The following SLC25A48 variants were observed in gnomAD, a reference collection of about 807,000 sequenced individuals.
SLC25A48 encodes the protein CTC-321K16.1.
A neutral mutation model predicts 32.2 loss-of-function variants in SLC25A48; 29 were observed. That is an observed-to-expected ratio of 0.90 (90% confidence interval 0.67 to 1.23). The LOEUF (loss-of-function observed/expected upper bound fraction) is 1.23, where lower values mean the gene tolerates loss of function less well. SLC25A48 is among the 50% of genes most tolerant of loss of function. The probability of loss-of-function intolerance (pLI) is 0.00; values close to 1 mark genes in which losing one functional copy is unlikely to be tolerated. For missense variants in SLC25A48, 399 were observed against 422.7 expected (o/e 0.94, Z 0.49); for synonymous variants, 164 against 172.3 (o/e 0.95, Z 0.38).
At chr5:135,755,194 A>G (rs1023147871) in intron 3 of SLC25A48, among the ~76,000 whole-genome samples, 3 of 152,096 alleles carry the variant, frequency 2.0e-5, no homozygotes, top group Non-Finnish European at 4.4e-5. Flanking sequence ...TCGCTCTGAT[A>G]TTGATAATAT....
chr5:135,677,915 A>G (rs1753808038), intron 3 of SLC25A48, among the ~76,000 whole-genome samples: 2 of 152,116 alleles, frequency 1.3e-5, no homozygotes, highest in Admixed American at 6.5e-5. Flanking sequence ...TTTATTAGTG[A>G]CTAGACCCTT....
chr5:135,666,377 A>G (rs551853257), intron 3 of SLC25A48, among the ~76,000 whole-genome samples: 2 of 152,168 alleles, frequency 1.3e-5, no homozygotes, highest in South Asian at 2.1e-4. Flanking sequence ...TCAGTAAAAT[A>G]CCCCGGGGAT....
intron 1 of SLC25A48, among the ~76,000 whole-genome samples, chr5:135,584,462 C>T (rs1286670076): frequency 6.6e-6 from 1 of 152,174 alleles, no homozygotes; most frequent in African/African-American, 2.4e-5. Flanking sequence ...TGGTCCCACT[C>T]AATGAGGAAA....
chr5:135,739,258 C>T (rs531880908), intron 3 of SLC25A48, among the ~76,000 whole-genome samples: 1 of 152,266 alleles, frequency 6.6e-6, no homozygotes, highest in African/African-American at 2.4e-5. Context: ...GCTGGGACTA[C>T]AAGTGCTCAC....
At chr5:135,674,720 C>T (rs1753728708) in intron 3 of SLC25A48, among the ~76,000 whole-genome samples, 1 of 151,958 alleles carries the variant, frequency 6.6e-6, no homozygotes, top group African/African-American at 2.4e-5. Context: ...ATGTATACCA[C>T]ATTTTCTTTA....
At chr5:135,707,718 CTGTT>C (rs1435736268) in intron 3 of SLC25A48, among the ~76,000 whole-genome samples, 2 of 152,216 alleles carry the variant, frequency 1.3e-5, no homozygotes, top group African/African-American at 4.8e-5. Context: ...TCCTACCCTC[CTGTT>C]TATTTCCTTA....
intron 3 of SLC25A48, among the ~76,000 whole-genome samples, chr5:135,851,604 G>A (rs72791379): frequency 2.4e-4 from 2 of 8,404 alleles, no homozygotes; most frequent in Admixed American, 6.9e-4. Context: ...GTATATATGC[G>A]TGTGTGTGCG....
intron 3 of SLC25A48, among the ~76,000 whole-genome samples, chr5:135,721,635 C>T (rs8180435): frequency 0.4 from 61,278 of 151,996 alleles, 14,200 homozygotes; most frequent in Non-Finnish European, 0.52. Flanking sequence ...GTGAGCACTG[C>T]ATAATTGAAA....
chr5:135,607,222 A>C (rs770671423), intron 1 of SLC25A48, among the ~76,000 whole-genome samples: 6 of 152,156 alleles, frequency 3.9e-5, no homozygotes, highest in Non-Finnish European at 5.9e-5. Context: ...ACATTCTTAC[A>C]CTGCTGCCCT....
At chr5:135,594,389 C>G (rs1038511715) in intron 1 of SLC25A48, among the ~76,000 whole-genome samples, 1 of 152,166 alleles carries the variant, frequency 6.6e-6, no homozygotes, top group Non-Finnish European at 1.5e-5. Flanking sequence ...TAAGACACTG[C>G]GTGATGTGGT....
At chr5:135,599,083 T>A (rs373713847) in intron 1 of SLC25A48, among the ~76,000 whole-genome samples, 43 of 152,180 alleles carry the variant, frequency 2.8e-4, no homozygotes, top group African/African-American at 1.0e-3. Flanking sequence ...TCTGGGGTCG[T>A]CTTGGCCAAG....
intron 1 of SLC25A48, among the ~76,000 whole-genome samples, chr5:135,605,183 A>G (rs1384993918): frequency 2.6e-5 from 4 of 152,264 alleles, no homozygotes; most frequent in African/African-American, 9.6e-5. Flanking sequence ...TTATTTATTT[A>G]TAACATTCTC....
At chr5:135,879,066 T>A (rs886438433) in intron 6 of SLC25A48, among the ~76,000 whole-genome samples, 1 of 152,086 alleles carries the variant, frequency 6.6e-6, no homozygotes, top group Admixed American at 6.5e-5. Flanking sequence ...ATAGGCAGTG[T>A]TTGGGAAGCA....
At chr5:135,682,373 C>T (rs1469647855) in intron 3 of SLC25A48, among the ~76,000 whole-genome samples, 10 of 152,106 alleles carry the variant, frequency 6.6e-5, no homozygotes, top group African/African-American at 2.2e-4. Context: ...TGTCACTCTT[C>T]GTCAAGGCAA....
chr5:135,595,195 G>C (rs1015588190), intron 1 of SLC25A48, among the ~76,000 whole-genome samples: 7 of 152,148 alleles, frequency 4.6e-5, no homozygotes, highest in African/African-American at 1.7e-4. Context: ...CCCTTACCCT[G>C]CTCCACTCTC....
chr5:135,625,604 T>A (rs1227811947), intron 1 of SLC25A48, among the ~76,000 whole-genome samples: 1 of 152,158 alleles, frequency 6.6e-6, no homozygotes, highest in Non-Finnish European at 1.5e-5. Flanking sequence ...GAGTTAGCTC[T>A]GGGGCTTAAG....
chr5:135,791,034 A>G (rs1580883958), intron 3 of SLC25A48, among the ~76,000 whole-genome samples: 1 of 151,950 alleles, frequency 6.6e-6, no homozygotes, highest in East Asian at 1.9e-4. Flanking sequence ...TGTGTACAAC[A>G]TATGTGTTCA....
chr5:135,589,330 C>T (rs1319505645), intron 1 of SLC25A48, among the ~76,000 whole-genome samples: 2 of 152,142 alleles, frequency 1.3e-5, no homozygotes, highest in Admixed American at 6.5e-5. Context: ...TTCCCCATTT[C>T]CCTCAACCAC....
chr5:135,610,034 G>T (rs977655237), intron 1 of SLC25A48, among the ~76,000 whole-genome samples: 3 of 152,164 alleles, frequency 2.0e-5, no homozygotes, highest in African/African-American at 4.8e-5. Context: ...TAGGCCATTT[G>T]GTAGCAAAAG....
Sources: allele counts gnomAD v4.1 joint callset (sites outside exome capture counted in the v4.1 genomes callset), GRCh38; gene constraint gnomAD v4.1.1; transcripts MANE v1.5; gene names NCBI Gene and HGNC (gene_info 2026-07-23, HGNC 2026-07-21).